PRELID2: variants seen among roughly 807,000 people sequenced by gnomAD.
PRELID2 encodes PRELI domain-containing protein 2.
PRELID2 carries 25 observed loss-of-function variants against 28.4 expected under a neutral mutation model. That is an observed-to-expected ratio of 0.88 (90% CI 0.64 to 1.23). PRELID2 has a LOEUF of 1.23. PRELID2 is among the 50% of genes most tolerant of loss of function. The probability of loss-of-function intolerance (pLI) is 0.00; values close to 1 mark genes in which losing one functional copy is unlikely to be tolerated. For missense variants in PRELID2, 201 were observed against 214.4 expected (o/e 0.94, Z 0.39); for synonymous variants, 76 against 71.6 (o/e 1.06, Z -0.31).
the PRELID2 span, among the ~76,000 whole-genome samples, chr5:145,278,577 G>A: frequency 1.3e-5 from 2 of 152,164 alleles, no homozygotes; most frequent in Admixed American, 6.6e-5. Flanking sequence ...CAGCATGGGA[G>A]AGAGAGACAG....
intron 1 of PRELID2, among the ~76,000 whole-genome samples, chr5:145,715,092 C>T (rs1213367951): frequency 6.6e-6 from 1 of 152,156 alleles, no homozygotes; most frequent in Non-Finnish European, 1.5e-5. Flanking sequence ...TGGAAATCCA[C>T]ACTCATACAA....
the PRELID2 span, among the ~76,000 whole-genome samples, chr5:145,413,285 T>C: frequency 6.6e-6 from 1 of 152,166 alleles, no homozygotes; most frequent in African/African-American, 2.4e-5. Context: ...CAAAATGTGA[T>C]GCCACCTTAC....
At chr5:145,832,761 C>T (rs1299781712) in intron 1 of PRELID2, among the ~76,000 whole-genome samples, 1 of 151,896 alleles carries the variant, frequency 6.6e-6, no homozygotes, top group Admixed American at 6.6e-5. Flanking sequence ...CACATGAGCG[C>T]ACATACACAC....
chr5:145,515,730 A>C (rs1752509988), intron 1 of PRELID2, among the ~76,000 whole-genome samples: 1 of 152,202 alleles, frequency 6.6e-6, no homozygotes, highest in African/African-American at 2.4e-5. Flanking sequence ...ACATCAATGC[A>C]AAAATCCTCA....
chr5:145,366,334 CA>C, the PRELID2 span, among the ~76,000 whole-genome samples: 1 of 151,764 alleles, frequency 6.6e-6, no homozygotes, highest in African/African-American at 2.4e-5. Context: ...TTATACCTTC[CA>C]AAAAGGGCCG....
chr5:145,805,247 G>A (rs901155681), intron 4 of PRELID2, among the ~76,000 whole-genome samples: 3 of 152,030 alleles, frequency 2.0e-5, no homozygotes, highest in Non-Finnish European at 2.9e-5. Context: ...AAATTCAGTA[G>A]AGCCTTCATA....
chr5:145,829,802 G>A (rs762789416), intron 1 of PRELID2, among the ~76,000 whole-genome samples: 8 of 152,180 alleles, frequency 5.3e-5, no homozygotes, highest in Non-Finnish European at 1.2e-4. Flanking sequence ...ACATGTAAGT[G>A]TCAGATTTGC....
At chr5:145,543,572 G>C (rs771934729) in intron 1 of PRELID2, among the ~76,000 whole-genome samples, 2 of 152,074 alleles carry the variant, frequency 1.3e-5, no homozygotes, top group African/African-American at 4.8e-5. Context: ...GATAACTTGA[G>C]AGAACTGAAA....
chr5:145,266,807 T>A, the PRELID2 span, among the ~76,000 whole-genome samples: 1 of 151,940 alleles, frequency 6.6e-6, no homozygotes, highest in South Asian at 2.1e-4. Context: ...CATCAATCAA[T>A]GAGTGGATAA....
chr5:145,385,203 T>C, the PRELID2 span, among the ~76,000 whole-genome samples: 1 of 152,372 alleles, frequency 6.6e-6, no homozygotes, highest in South Asian at 2.1e-4. Flanking sequence ...TTTTTAAATG[T>C]ATCTTTTATA....
the PRELID2 span, among the ~76,000 whole-genome samples, chr5:145,407,185 G>C: frequency 6.6e-6 from 1 of 152,182 alleles, no homozygotes; most frequent in Non-Finnish European, 1.5e-5. Flanking sequence ...AGCCCTTCTT[G>C]CTTTCTCAGC....
At chr5:145,384,100 C>G in the PRELID2 span, among the ~76,000 whole-genome samples, 1 of 152,052 alleles carries the variant, frequency 6.6e-6, no homozygotes, top group Non-Finnish European at 1.5e-5. Context: ...AAAGTGAGAA[C>G]CACAATGATG....
At chr5:145,503,147 T>C (rs1752374427) in intron 1 of PRELID2, among the ~76,000 whole-genome samples, 1 of 152,120 alleles carries the variant, frequency 6.6e-6, no homozygotes. Flanking sequence ...TCAGAAGATG[T>C]ACCACAGAAC....
At chr5:145,272,751 C>A in the PRELID2 span, among the ~76,000 whole-genome samples, 1 of 152,046 alleles carries the variant, frequency 6.6e-6, no homozygotes. Context: ...TAATTTTAGA[C>A]CATTGATAGA....
At chr5:145,575,193 C>T (rs1271591137) in intron 1 of PRELID2, among the ~76,000 whole-genome samples, 3 of 152,058 alleles carry the variant, frequency 2.0e-5, no homozygotes, top group Non-Finnish European at 4.4e-5. Flanking sequence ...GTTTGTCTGC[C>T]TCAAAAACCC....
the PRELID2 span, among the ~76,000 whole-genome samples, chr5:145,414,041 A>G: frequency 1.7e-4 from 26 of 152,312 alleles, no homozygotes; most frequent in East Asian, 1.7e-3. Context: ...TCTTATTTTT[A>G]GAGGTAGAAT....
intron 1 of PRELID2, among the ~76,000 whole-genome samples, chr5:145,608,561 A>T (rs1753543787): frequency 1.3e-5 from 2 of 152,328 alleles, no homozygotes; most frequent in Non-Finnish European, 2.9e-5. Context: ...AGAATGCTGA[A>T]TATAGGCCCC....
At chr5:145,775,982 T>C (rs966304960) in intron 5 of PRELID2, among the ~76,000 whole-genome samples, 2 of 152,156 alleles carry the variant, frequency 1.3e-5, no homozygotes, top group East Asian at 1.9e-4. Context: ...AATCTCTATA[T>C]GCAGATAATA....
intron 1 of PRELID2, among the ~76,000 whole-genome samples, chr5:145,518,472 A>C (rs1039275023): frequency 6.6e-6 from 1 of 152,200 alleles, no homozygotes; most frequent in African/African-American, 2.4e-5. Flanking sequence ...GGCTGGGATT[A>C]CAGGCGTGAA....
Sources: allele counts gnomAD v4.1 joint callset (sites outside exome capture counted in the v4.1 genomes callset), GRCh38; gene constraint gnomAD v4.1.1; transcripts MANE v1.5; gene names NCBI Gene and HGNC (gene_info 2026-07-23, HGNC 2026-07-21).